MYO1C: variants seen among roughly 807,000 people sequenced by gnomAD.
The protein encoded by MYO1C is myosin IC, also known as unconventional myosin-Ic.
Under a neutral mutation model 150.8 loss-of-function variants are expected in MYO1C, and 104 were observed. The ratio of observed to expected loss-of-function variants is 0.69; its 90% CI spans 0.59 to 0.81. The LOEUF is 0.81. MYO1C is among the 30% of genes least tolerant of loss of function. MYO1C has a pLI of 0.00. For missense variants in MYO1C, 1,504 were observed against 1,435.0 expected, an observed-to-expected ratio of 1.05 and a Z score of -0.78; for synonymous variants, 663 against 579.9, an observed-to-expected ratio of 1.14 and a Z score of -2.06.
rs1276462549 is a variant in MYO1C at position 1,479,729 on chromosome 17, G to A, written c.907-24C>T. The stretch of plus-strand genomic sequence containing the variant: ...TCCTGGGGGAGCAGGCCGGGGGCAG[G>A]AGGGGGTGAGAGGGGCCAGAGAGCC... On this transcript the variant is annotated intron_variant, in intron 7 of 31. Coordinates refer to ENST00000648651, the MANE Select transcript of MYO1C (RefSeq NM_001080779.2). This position sits in a 1 kb window ranked among gnomAD's most constrained non-coding sequence, Gnocchi z 4.2. The A allele has an allele frequency of 1.1e-5, 17 of 1,543,068 alleles. No individual in the cohort carries two copies. The highest frequency in any genetic ancestry group is 1.8e-5 in the Admixed American group (1 of 55,668).
At chr17:1,470,963 G>A (rs897293666) in intron 21 of MYO1C, 108 bp downstream of exon 21, 40 of 1,253,342 alleles carry the variant, frequency 3.2e-5, no homozygotes, top group Non-Finnish European at 4.6e-5. Flanking sequence ...GCGTGGGGCT[G>A]GAGCTGATAG....
intron 31 of MYO1C, among the ~76,000 whole-genome samples, chr17:1,466,784 G>A (rs11653306): frequency 0.34 from 52,073 of 151,568 alleles, 9,473 homozygotes; most frequent in Non-Finnish European, 0.41. Context: ...GCACCACCAC[G>A]CCCGGCTAAT....
intron 1 of MYO1C, among the ~76,000 whole-genome samples, chr17:1,487,848 G>A (rs2074683727): frequency 6.6e-6 from 1 of 152,224 alleles, no homozygotes. Flanking sequence ...TTGAACCCGG[G>A]AGACGGAGGT....
chr17:1,484,404 G>T, intron 1 of MYO1C, 101 bp from the exon 2 acceptor site: 2 of 1,416,260 alleles, frequency 1.4e-6, no homozygotes, highest in Non-Finnish European at 1.9e-6. Flanking sequence ...GGGGCTTGTG[G>T]ACTCCGGGCT....
At chr17:1,472,066 C>T (rs1020794614) in intron 18 of MYO1C, 42 bp from the exon 19 acceptor site, 15 of 1,608,616 alleles carry the variant, frequency 9.3e-6, no homozygotes, top group African/African-American at 4.1e-5. Flanking sequence ...CTGGCGCTGA[C>T]GGCCTGTCTC....
chr17:1,465,636 T>C lies in MYO1C; in HGVS notation c.*90A>G. On this transcript the variant is annotated 3_prime_UTR_variant, in exon 32 of 32. Coordinates refer to ENST00000648651, the MANE Select transcript of MYO1C (RefSeq NM_001080779.2). ...GGGCTTCGGGGTGTCCCTGGGTCCC[T>C]GTCTGGAAGTTCGAGTCTTTGGTAA... 4 of 1,260,068 alleles carry C rather than the reference T, an allele frequency of 3.2e-6. No individual in the cohort carries two copies. The highest frequency in any genetic ancestry group is 4.1e-6 in the Non-Finnish European group (4 of 967,426). The allele number at this position is 1,260,068 out of a possible 1,614,324, so 78.1% of individuals were successfully genotyped here.
chr17:1,484,063 C>T, intron 2 of MYO1C, 85 bp downstream of exon 2: 1 of 1,543,200 alleles, frequency 6.5e-7, no homozygotes, highest in Non-Finnish European at 8.8e-7. Flanking sequence ...AAAGTTTATC[C>T]CGGTGACCCT....
chr17:1,483,649 C>T lies in MYO1C; in HGVS notation c.308G>A (p.Arg103His), dbSNP rs748318399. Residue 103 changes from arginine (R) to histidine (H), a missense_variant, in exon 3 of 32, where the codon CGT becomes CAT. Physicochemically the swap from Arg to His is conservative, Grantham distance 29. Transcript: ENST00000648651. ...TTCATAGAAGCTGACGCCACGGTAA[C>T]GCTCCATATGCTGCCGGCTGTAGAT... is the stretch of plus-strand genomic sequence containing the variant. Reference protein sequence around the residue: ...LQIYSRQHMERYRGVSFYEVP... With the variant: ...LQIYSRQHMEHYRGVSFYEVP... The T allele has an allele frequency of 3.0e-5, 48 of 1,612,874 alleles. No homozygotes were observed. The highest frequency in any genetic ancestry group is 4.0e-5 in the Non-Finnish European group (47 of 1,179,706).
intron 1 of MYO1C, chr17:1,490,825 C>A (rs1032426012): frequency 9.1e-4 from 123 of 135,150 alleles, no homozygotes; most frequent in Non-Finnish European, 1.6e-3. Flanking sequence ...CCTCTCCCCC[C>A]ACCCCTCCCC....
In MYO1C at chr17:1,470,709, G is replaced by T. The variant is rs1436534448; in HGVS notation, c.2213-20C>A. 1 of 1,598,424 alleles carries T rather than the reference G, an allele frequency of 6.3e-7. No individual in the cohort carries two copies. The highest frequency in any genetic ancestry group is 1.7e-5 in the Admixed American group (1 of 59,642). ...TTGTGGCTGCGGTTGGGAAAGAAAG[G>T]CAATTGGCCAGAGCGCGGGGAGCCA... On this transcript the variant is annotated intron_variant, in intron 21 of 31. Transcript: ENST00000648651.
intron 1 of MYO1C, chr17:1,484,872 T>TACC: frequency 2.9e-6 from 1 of 341,200 alleles, no homozygotes; most frequent in Non-Finnish European, 5.6e-6. Context: ...GGGCCGTCTC[T>TACC]CCCACCCAGA....
Position 1,471,145 on chromosome 17 carries a change from G to A in MYO1C, c.2138C>T (p.Thr713Ile). The part of the protein sequence containing the change: ...YKPEEYKMGR[T>I]KIFIRFPKTL... The stretch of plus-strand genomic sequence containing the variant: ...CTTGGGGAAGCGGATGAAGATCTTG[G>A]TCCTGGGAGAGCAGTAGTGATCAGC... Residue 713 changes from threonine (T) to isoleucine (I), a missense_variant and splice_region_variant, in exon 21 of 32, where the codon ACC (threonine) becomes ATC (isoleucine). Thr to Ile is a moderately conservative substitution (Grantham distance 89). Coordinates refer to ENST00000648651, the MANE Select transcript of MYO1C (RefSeq NM_001080779.2). The A allele has an allele frequency of 1.2e-6, 2 of 1,614,138 alleles. No individual in the cohort carries two copies. Among genetic ancestry groups the A allele is most frequent in the Middle Eastern group, 1.6e-4 (1 of 6,062 alleles).
chr17:1,487,911 G>GA (rs1328084109), intron 1 of MYO1C, among the ~76,000 whole-genome samples: 5 of 152,180 alleles, frequency 3.3e-5, no homozygotes, highest in Non-Finnish European at 7.4e-5. Flanking sequence ...ACAGAGCGAA[G>GA]CTCCGTCTCC....
intron 1 of MYO1C, chr17:1,485,890 TC>T: frequency 5.7e-6 from 1 of 176,548 alleles, no homozygotes; most frequent in Non-Finnish European, 1.1e-5. Flanking sequence ...TGGGGTCCCC[TC>T]CAGGTGGGGT....
intron 1 of MYO1C, chr17:1,485,837 C>G (rs1304953009): frequency 2.5e-6 from 1 of 406,130 alleles, no homozygotes. Flanking sequence ...GCCCCTGAAG[C>G]GCGGGGCTTC....
chr17:1,468,319 G>C lies in MYO1C; in HGVS notation c.2705-11C>G, dbSNP rs2074223935. 1 of 1,614,024 alleles carries C rather than the reference G, an allele frequency of 6.2e-7. No individual in the cohort carries two copies. The highest frequency in any genetic ancestry group is 1.7e-5 in the Admixed American group (1 of 59,998). ...TGATCTCATCTGTACCTGCAACTCAGATGGCGGGGAGGGAAGTCAGTGGAG... is the reference window on the plus strand; with the variant it reads ...TGATCTCATCTGTACCTGCAACTCACATGGCGGGGAGGGAAGTCAGTGGAG... On this transcript the variant is annotated splice_polypyrimidine_tract_variant and intron_variant, in intron 26 of 31. Coordinates refer to ENST00000648651, the MANE Select transcript of MYO1C (RefSeq NM_001080779.2).
chr17:1,483,237 C>T (rs1170293768), intron 3 of MYO1C, among the ~76,000 whole-genome samples, 178 bp from the exon 4 acceptor site: 4 of 151,972 alleles, frequency 2.6e-5, no homozygotes, highest in East Asian at 3.9e-4. Flanking sequence ...TGAGAATGGG[C>T]GTCACCGCCA....
At chr17:1,487,948 G>A (rs1321836191) in intron 1 of MYO1C, among the ~76,000 whole-genome samples, 1 of 152,182 alleles carries the variant, frequency 6.6e-6, no homozygotes, top group Non-Finnish European at 1.5e-5. Context: ...GGAAAATCTA[G>A]AGGGAGCAAG....
At chr17:1,485,013 A>T in intron 1 of MYO1C, 1 of 903,236 alleles carries the variant, frequency 1.1e-6, no homozygotes, top group South Asian at 1.4e-5. Context: ...AACGCGGGGG[A>T]GGCCCTCCCT....
Sources: allele counts gnomAD v4.1 joint callset (sites outside exome capture counted in the v4.1 genomes callset), GRCh38; gene constraint gnomAD v4.1.1; non-coding constraint Gnocchi (gnomAD v3.1); transcripts MANE v1.5; gene names NCBI Gene and HGNC (gene_info 2026-07-23, HGNC 2026-07-21).